IL5RA: variants seen among roughly 807,000 people sequenced by gnomAD.
IL5RA encodes interleukin 5 receptor subunit alpha.
A neutral mutation model predicts 50.0 loss-of-function variants in IL5RA; 49 were observed. The observed-to-expected ratio is 0.98, with a 90% CI of 0.78 to 1.24. The LOEUF is 1.24. Among genes scored for constraint, IL5RA ranks in the 50% most tolerant of loss-of-function variants. The pLI is 0.00. For missense variants in IL5RA, 600 were observed against 500.4 expected (o/e 1.20, Z -1.90); for synonymous variants, 202 against 174.0 (o/e 1.16, Z -1.26).
intron 8 of IL5RA, among the ~76,000 whole-genome samples, chr3:3,094,805 C>T (rs1291280935): frequency 6.6e-6 from 1 of 152,102 alleles, no homozygotes; most frequent in East Asian, 1.9e-4. Context: ...TTACTGCAAC[C>T]TCCGCCTCCC....
At chr3:3,076,740 C>G (rs1340913368) in intron 9 of IL5RA, 113 bp from the exon 10 acceptor site, 4 of 631,606 alleles carry the variant, frequency 6.3e-6, no homozygotes, top group Non-Finnish European at 1.1e-5. Flanking sequence ...GTTGCCGGTG[C>G]TGGGTGGTGT....
intron 9 of IL5RA, among the ~76,000 whole-genome samples, chr3:3,078,302 C>G (rs1702553629): frequency 6.6e-6 from 1 of 152,172 alleles, no homozygotes. Context: ...AGGAGAGATA[C>G]CTTGGGATAT....
chr3:3,105,092 C>G, intron 2 of IL5RA, 105 bp from the exon 3 acceptor site: 2 of 687,468 alleles, frequency 2.9e-6, no homozygotes, highest in South Asian at 3.6e-5. Context: ...ATTTAACAGA[C>G]ATTTATGGCA....
rs533697367 is a variant in IL5RA, at chr3:3,095,547, C to G, written c.710-103G>C. The G allele has an allele frequency of 7.2e-6, 7 of 969,882 alleles. No individual in the cohort carries two copies. In the African/African-American group the frequency reaches 1.2e-4, roughly 16 times the overall value. 60.1% of individuals were successfully genotyped at this position (969,882 alleles called of 1,614,324 possible). ...CTTCTCAAGGCATTTCTAAGATACG[C>G]TTTTTTCAAATATTTACCATCAGGT... On this transcript the variant is annotated intron_variant, in intron 7 of 11. Coordinates refer to ENST00000446632, the MANE Select transcript of IL5RA (RefSeq NM_175726.4).
intron 9 of IL5RA, among the ~76,000 whole-genome samples, chr3:3,082,938 C>T (rs1702719152): frequency 6.6e-6 from 1 of 152,152 alleles, no homozygotes; most frequent in Admixed American, 6.5e-5. Context: ...CAATAGGTTT[C>T]CAGGGAAAAG....
Position 3,070,251 on chromosome 3 carries a change from C to A in IL5RA, c.1237G>T (p.Glu413Ter). 1 of 1,613,216 alleles carries A rather than the reference C, an allele frequency of 6.2e-7. No individual in the cohort carries two copies. Among genetic ancestry groups the A allele is most frequent in the Non-Finnish European group, 8.5e-7 (1 of 1,179,278 alleles). The change falls in exon 12 of 12, where the codon GAG (glutamate) becomes TAG (stop). Residue 413 changes from glutamate (E) to a stop codon, truncating the protein, a stop_gained. Transcript: ENST00000446632. LOFTEE classifies it high-confidence loss of function. Reference sequence around the variant, plus strand: ...CAAAACACAGAATCCTCCAGGGTCTCAACTCCAGGCTTCTCTATATAACAG... The same window carrying A: ...CAAAACACAGAATCCTCCAGGGTCTAAACTCCAGGCTTCTCTATATAACAG... ...VICYIEKPGV[E>*]TLEDSVF
chr3:3,084,115 G>A (rs558365742), intron 9 of IL5RA, among the ~76,000 whole-genome samples: 6 of 151,496 alleles, frequency 4.0e-5, no homozygotes, highest in Admixed American at 1.3e-4. Flanking sequence ...AGTGACCTTC[G>A]GCAGGGTAGC....
chr3:3,091,387 A>G (rs1703092342), intron 9 of IL5RA, among the ~76,000 whole-genome samples: 1 of 152,210 alleles, frequency 6.6e-6, no homozygotes, highest in Admixed American at 6.5e-5. Context: ...TGATGGGTAC[A>G]TGAACTTAAA....
chr3:3,070,436 G>A, intron 11 of IL5RA, 125 bp from the exon 12 acceptor site: 1 of 634,592 alleles, frequency 1.6e-6, no homozygotes, highest in Non-Finnish European at 2.8e-6. Context: ...CAAAGAAGAT[G>A]TGAAAAATAA....
At chr3:3,091,769 A>G (rs973846436) in intron 9 of IL5RA, 2 of 158,452 alleles carry the variant, frequency 1.3e-5, no homozygotes, top group Non-Finnish European at 2.7e-5. Flanking sequence ...ATGAGGACAT[A>G]TAAAATTGAT....
chr3:3,095,547 C>CT, intron 7 of IL5RA, 103 bp from the exon 8 acceptor site: 1 of 969,882 alleles, frequency 1.0e-6, no homozygotes. Context: ...CTAAGATACG[C>CT]TTTTTTCAAA....
intron 9 of IL5RA, among the ~76,000 whole-genome samples, chr3:3,081,149 TG>T (rs769610656): frequency 9.2e-5 from 14 of 152,344 alleles, no homozygotes; most frequent in Non-Finnish European, 1.6e-4. Flanking sequence ...AGATCCTCGA[TG>T]GTTCCAGGAT....
rs927466460 is a variant in IL5RA at position 3,092,743 on chromosome 3, G to T, written c.856-381C>A. Among the ~76,000 whole-genome samples, 3 of 152,152 alleles carry T rather than the reference G, an allele frequency of 2.0e-5. No homozygotes were observed. Among genetic ancestry groups the T allele is most frequent in the Non-Finnish European group, 4.4e-5 (3 of 68,036 alleles). ...AATAATGTCACATGAACGCTAGATT[G>T]TCTAGTGTTGAAATGAAGCTATTTT... is the stretch of plus-strand genomic sequence containing the variant. On this transcript the variant is annotated intron_variant, in intron 8 of 11. Transcript: ENST00000446632. The surrounding 1 kb of genome is among the most constrained non-coding windows in gnomAD (Gnocchi z 4.2).
intron 9 of IL5RA, among the ~76,000 whole-genome samples, chr3:3,091,543 C>A (rs546420920): frequency 6.6e-6 from 1 of 152,088 alleles, no homozygotes; most frequent in African/African-American, 2.4e-5. Flanking sequence ...ACCAGCCTGA[C>A]CAACGTGGTG....
At chr3:3,090,293 A>T in intron 9 of IL5RA, 1 of 1,413,600 alleles carries the variant, frequency 7.1e-7, no homozygotes, top group South Asian at 1.2e-5. Flanking sequence ...CTGGGGATAC[A>T]CAATCAATCC....
intron 9 of IL5RA, among the ~76,000 whole-genome samples, chr3:3,088,520 G>A (rs971924333): frequency 7.2e-5 from 11 of 152,184 alleles, no homozygotes; most frequent in African/African-American, 2.7e-4. Context: ...ATTACCTTTT[G>A]TCATCTCTAG....
chr3:3,101,661 T>A (rs761974680), intron 5 of IL5RA, 31 bp downstream of exon 5: 2 of 1,602,828 alleles, frequency 1.2e-6, no homozygotes, highest in Admixed American at 3.5e-5. Flanking sequence ...GTCCAAAACA[T>A]ACAAACTGGA....
intron 8 of IL5RA, 90 bp downstream of exon 8, chr3:3,095,209 G>T: frequency 2.1e-6 from 2 of 963,824 alleles, no homozygotes; most frequent in Non-Finnish European, 1.6e-6. Context: ...GTACCAAGCT[G>T]TAACTTGGTT....
chr3:3,102,972 G>C (rs1703726332), intron 3 of IL5RA, 152 bp from the exon 4 acceptor site: 2 of 544,736 alleles, frequency 3.7e-6, no homozygotes, highest in South Asian at 5.3e-5. Context: ...GTAACACCGG[G>C]GCAAAGAGAA....
Sources: gnomAD v4.1 joint callset for allele counts (sites outside exome capture counted in the v4.1 genomes callset) on GRCh38, gnomAD v4.1.1 for gene constraint, Gnocchi (gnomAD v3.1) non-coding constraint, MANE v1.5 for transcripts, NCBI Gene and HGNC (gene_info 2026-07-23, HGNC 2026-07-21) for gene names.